The following FRAS1 variants were observed in gnomAD, a reference collection of about 807,000 sequenced individuals.
The protein encoded by FRAS1 is extracellular matrix organizing protein FRAS1.
In FRAS1, 290 loss-of-function variants were observed where a neutral mutation model predicts 435.2. The ratio of observed to expected loss-of-function variants is 0.67; its 90% confidence interval spans 0.61 to 0.73. FRAS1 has a LOEUF of 0.73. Among genes scored for constraint, FRAS1 ranks in the 30% least tolerant of loss-of-function variants. The probability of loss-of-function intolerance (pLI) is 0.00; values close to 1 mark genes in which losing one functional copy is unlikely to be tolerated. For missense variants in FRAS1, 4,860 were observed against 5,001.5 expected, an observed-to-expected ratio of 0.97 and a Z score of 0.85; for synonymous variants, 1,800 against 1,851.0, an observed-to-expected ratio of 0.97 and a Z score of 0.71.
rs1014919744 is a variant in FRAS1, at chr4:78,540,996, T to G, written c.11911T>G (p.Cys3971Gly). The change falls in exon 74 of 74, where the codon TGC becomes GGC. Residue 3971 changes from cysteine to glycine, a missense_variant. Cys to Gly is a radical substitution (Grantham distance 159, BLOSUM62 -3). Coordinates refer to ENST00000512123, the MANE Select transcript of FRAS1 (RefSeq NM_025074.7). Reference sequence around the variant, plus strand: ...GGAGAAGAACGTGAATAGACACTACTGCACTGTGCGGAACGTCAACATCCT... The same window carrying G: ...GGAGAAGAACGTGAATAGACACTACGGCACTGTGCGGAACGTCAACATCCT... ...RVEKNVNRHYCTVRNVNILSE... is the reference protein window; with the variant it reads ...RVEKNVNRHYGTVRNVNILSE... 3.1e-6 allele frequency: 5 copies of G among 1,602,934 alleles called. No individual in the cohort carries two copies. Among genetic ancestry groups the G allele is most frequent in the Non-Finnish European group, 4.3e-6 (5 of 1,173,090 alleles).
Position 78,466,337 on chromosome 4 carries a change from T to C in FRAS1, c.7159T>C (p.Tyr2387His), listed in dbSNP as rs1486736214. Reference protein sequence around the residue: ...MKDIYQNRVSYSHDGSNSLKD... With the variant: ...MKDIYQNRVSHSHDGSNSLKD... ...AGATATCTACCAGAACCGGGTCAGC[T>C]ACAGCCATGACGGCAGTAACTCCCT... The change falls in exon 50 of 74, where the codon TAC (tyrosine) becomes CAC (histidine). Residue 2387 changes from tyrosine to histidine, a missense_variant. Coordinates refer to ENST00000512123, the MANE Select transcript of FRAS1 (RefSeq NM_025074.7). The C allele has an allele frequency of 6.2e-7, 1 of 1,613,868 alleles. No individual in the cohort carries two copies. Among genetic ancestry groups the C allele is most frequent in the South Asian group, 1.1e-5 (1 of 91,074 alleles).
chr4:78,251,819 C>T (rs2110132569), intron 4 of FRAS1, among the ~76,000 whole-genome samples: 1 of 152,296 alleles, frequency 6.6e-6, no homozygotes, highest in Non-Finnish European at 1.5e-5. Flanking sequence ...CAAGTAAATC[C>T]TTGGTCTGTG....
At chr4:78,255,533 C>A (rs1725751288) in intron 6 of FRAS1, among the ~76,000 whole-genome samples, 158 bp downstream of exon 6, 3 of 152,198 alleles carry the variant, frequency 2.0e-5, no homozygotes, top group Admixed American at 2.0e-4. Flanking sequence ...TGAGACATTT[C>A]TTTTACCCTT....
intron 17 of FRAS1, among the ~76,000 whole-genome samples, chr4:78,318,161 G>C (rs1172665075): frequency 2.6e-5 from 4 of 152,218 alleles, no homozygotes; most frequent in Admixed American, 2.6e-4. Context: ...CAGGAAAGCT[G>C]CAACAACTGT....
intron 4 of FRAS1, 35 bp downstream of exon 4, chr4:78,245,360 C>T: frequency 2.2e-6 from 3 of 1,353,204 alleles, no homozygotes; most frequent in Non-Finnish European, 3.1e-6. Flanking sequence ...GATTCTGTGT[C>T]TGCAGATCTC....
chr4:78,231,114 C>A (rs1161944187), intron 2 of FRAS1, among the ~76,000 whole-genome samples: 1 of 151,944 alleles, frequency 6.6e-6, no homozygotes, highest in Non-Finnish European at 1.5e-5. Flanking sequence ...GCCACCATGC[C>A]CAGCAATTTT....
chr4:78,181,020 T>C (rs1560566828), intron 2 of FRAS1: 16 of 1,596,496 alleles, frequency 1.0e-5, no homozygotes, highest in Non-Finnish European at 1.4e-5. Flanking sequence ...GTCTCCAAAA[T>C]TGATCTCCAG....
chr4:78,159,402 C>A (rs4156), intron 2 of FRAS1, among the ~76,000 whole-genome samples: 2 of 151,910 alleles, frequency 1.3e-5, no homozygotes, highest in South Asian at 4.1e-4. Context: ...TGTTTGAGAA[C>A]AATATAAGAT....
At chr4:78,461,739 G>T (rs2627651) in intron 47 of FRAS1, among the ~76,000 whole-genome samples, 1 of 152,038 alleles carries the variant, frequency 6.6e-6, no homozygotes, top group African/African-American at 2.4e-5. Flanking sequence ...CAGGTATTTC[G>T]CTCCTAGAGA....
chr4:78,109,779 GT>G (rs1742606663), intron 2 of FRAS1, among the ~76,000 whole-genome samples: 1 of 18,062 alleles, frequency 5.5e-5, no homozygotes, highest in Non-Finnish European at 1.2e-4. Context: ...GAAATAAAGG[GT>G]ATTCAATTAG....
chr4:78,175,362 ATCT>A (rs1721724024), intron 2 of FRAS1, among the ~76,000 whole-genome samples: 1 of 152,130 alleles, frequency 6.6e-6, no homozygotes, highest in African/African-American at 2.4e-5. Flanking sequence ...GGGTGGCAAC[ATCT>A]CCCATCTGTG....
intron 36 of FRAS1, 76 bp downstream of exon 36, chr4:78,429,302 T>A (rs760611832): frequency 1.3e-6 from 2 of 1,488,094 alleles, no homozygotes; most frequent in Non-Finnish European, 1.8e-6. Context: ...AACCTCTTGA[T>A]GGTTGCCAAA....
intron 14 of FRAS1, among the ~76,000 whole-genome samples, chr4:78,294,343 A>G (rs548178125): frequency 1.3e-5 from 2 of 152,304 alleles, no homozygotes; most frequent in Admixed American, 6.5e-5. Flanking sequence ...TTTAATTAAC[A>G]GGGGCCACTG....
intron 47 of FRAS1, among the ~76,000 whole-genome samples, chr4:78,455,677 T>A (rs1719170345): frequency 6.6e-6 from 1 of 152,092 alleles, no homozygotes; most frequent in South Asian, 2.1e-4. Context: ...CCATAGGAGA[T>A]GTAGGGAGCC....
chr4:78,372,253 ATGCAGCTGGTGTTATTGG>A (rs1249482037), intron 23 of FRAS1, among the ~76,000 whole-genome samples: 1 of 152,224 alleles, frequency 6.6e-6, no homozygotes, highest in African/African-American at 2.4e-5. Context: ...ATAGAAACCC[ATGCAGCTGGTGTTATTGG>A]TGGCAGCAGA....
intron 9 of FRAS1, among the ~76,000 whole-genome samples, chr4:78,274,603 T>G (rs374009944): frequency 1.5e-4 from 23 of 152,164 alleles, no homozygotes; most frequent in African/African-American, 4.8e-4. Flanking sequence ...AGGTTGTTCA[T>G]TTTCCATGTA....
chr4:78,124,255 G>A (rs1279855545), intron 2 of FRAS1, among the ~76,000 whole-genome samples: 1 of 152,162 alleles, frequency 6.6e-6, no homozygotes, highest in Non-Finnish European at 1.5e-5. Flanking sequence ...CATTGGTTCT[G>A]TTTATATGAT....
chr4:78,191,846 C>G (rs1431190999), intron 2 of FRAS1, among the ~76,000 whole-genome samples: 1 of 152,160 alleles, frequency 6.6e-6, no homozygotes, highest in African/African-American at 2.4e-5. Flanking sequence ...CCAGCTTCAT[C>G]CATGTCCCTA....
chr4:78,100,032 T>C (rs977237957), intron 2 of FRAS1, among the ~76,000 whole-genome samples: 1 of 152,224 alleles, frequency 6.6e-6, no homozygotes, highest in African/African-American at 2.4e-5. Flanking sequence ...AAGTTGACTT[T>C]CTCTTATGTT....
Sources: gnomAD v4.1 joint callset for allele counts (sites outside exome capture counted in the v4.1 genomes callset) on GRCh38, gnomAD v4.1.1 for gene constraint, MANE v1.5 for transcripts, NCBI Gene and HGNC (gene_info 2026-07-23, HGNC 2026-07-21) for gene names.